The following PDE7B variants were observed in gnomAD, a reference collection of about 807,000 sequenced individuals.
PDE7B encodes the protein phosphodiesterase 7B.
A neutral mutation model predicts 56.2 loss-of-function variants in PDE7B; 29 were observed. The observed-to-expected ratio is 0.52, with a 90% CI of 0.38 to 0.70. PDE7B has a LOEUF of 0.70. PDE7B is among the 30% of genes least tolerant of loss of function. The pLI is 0.00. For synonymous variants in PDE7B, 197 were observed against 196.9 expected, an observed-to-expected ratio of 1.00 and a Z score of 0.00; for missense variants, 490 against 565.0, an observed-to-expected ratio of 0.87 and a Z score of 1.35.
At chr6:136,151,317 C>A (rs1310216594) in intron 6 of PDE7B, 62 bp downstream of exon 6, 1 of 823,374 alleles carries the variant, frequency 1.2e-6, no homozygotes, top group Non-Finnish European at 2.1e-6. Context: ...GCATAATACT[C>A]TTTAATATAA....
intron 1 of PDE7B, among the ~76,000 whole-genome samples, chr6:135,940,031 A>C (rs1277783043): frequency 6.6e-6 from 1 of 152,186 alleles, no homozygotes; most frequent in Non-Finnish European, 1.5e-5. Flanking sequence ...TCTCCAGTCC[A>C]GTCCATAAAG....
At position 135,973,538 on chromosome 6, in the gene PDE7B, A is replaced by G. The variant is rs138718162; in HGVS notation, c.82+26014A>G. ...TTATAGTTCTATTTTTAATGTTTTG[A>G]GTAACCTCCATACTGTTTTCCATAG... On this transcript the variant is annotated intron_variant, in intron 2 of 12. Transcript: ENST00000308191. Among the ~76,000 whole-genome samples the G allele has an allele frequency of 3.6e-3, 554 of 152,250 alleles. 3 individuals are homozygous for G. Among genetic ancestry groups the G allele is most frequent in the African/African-American group, 0.012 (513 of 41,542 alleles).
rs376235168 is a variant in PDE7B, at chr6:136,192,013, A to G, written c.*173A>G. On this transcript the variant is annotated 3_prime_UTR_variant, in exon 13 of 13. Transcript: ENST00000308191. ...CCTCCCCTCCTTTTCGCAAATGTAC[A>G]GAAGCCATTTGTCACCTCAGCATTC... The G allele has an allele frequency of 4.3e-5, 26 of 609,660 alleles. No homozygotes were observed. The highest frequency in any genetic ancestry group is 2.3e-4 in the Admixed American group (8 of 34,114). 37.8% of individuals were successfully genotyped at this position (609,660 alleles called of 1,614,324 possible). A position where few individuals can be genotyped will look rare whatever the true frequency, so the allele number is the denominator to read the frequency against.
At chr6:136,081,957 G>A (rs1777212199) in intron 2 of PDE7B, among the ~76,000 whole-genome samples, 1 of 152,186 alleles carries the variant, frequency 6.6e-6, no homozygotes. Flanking sequence ...ACAGCTTCCT[G>A]AGCCCTGTCC....
intron 1 of PDE7B, among the ~76,000 whole-genome samples, chr6:135,869,123 T>C (rs904813902): frequency 6.6e-6 from 1 of 152,170 alleles, no homozygotes; most frequent in Non-Finnish European, 1.5e-5. Context: ...TGGTATATGA[T>C]GTTAGTCTTT....
intron 1 of PDE7B, among the ~76,000 whole-genome samples, chr6:135,857,318 T>C (rs925008232): frequency 6.6e-6 from 1 of 152,166 alleles, no homozygotes; most frequent in African/African-American, 2.4e-5. Context: ...AATTCACATA[T>C]AAATAGGAAG....
At chr6:135,854,665 A>G (rs1475062641) in intron 1 of PDE7B, among the ~76,000 whole-genome samples, 1 of 152,208 alleles carries the variant, frequency 6.6e-6, no homozygotes, top group African/African-American at 2.4e-5. Context: ...GAGCACTTCC[A>G]CTGTCCACAG....
chr6:135,886,003 G>A (rs895392644), intron 1 of PDE7B, among the ~76,000 whole-genome samples: 7 of 152,230 alleles, frequency 4.6e-5, no homozygotes, highest in East Asian at 3.9e-4. Context: ...TGAGCAAAAC[G>A]TACAACTTGA....
At chr6:136,088,002 G>T (rs11961448) in intron 2 of PDE7B, among the ~76,000 whole-genome samples, 1 of 152,118 alleles carries the variant, frequency 6.6e-6, no homozygotes, top group Non-Finnish European at 1.5e-5. Context: ...TCTAAATCAC[G>T]TAAGGAAGAG....
chr6:136,183,640 C>T (rs959472927), intron 11 of PDE7B, among the ~76,000 whole-genome samples: 4 of 151,550 alleles, frequency 2.6e-5, no homozygotes, highest in Non-Finnish European at 4.4e-5. Context: ...GAGTAGATTC[C>T]CTGGTCATCC....
At chr6:136,005,740 C>A (rs1450733518) in intron 2 of PDE7B, among the ~76,000 whole-genome samples, 2 of 152,142 alleles carry the variant, frequency 1.3e-5, no homozygotes, top group East Asian at 3.9e-4. Context: ...AATAGGAACA[C>A]TTTTACACTG....
At chr6:135,863,047 T>G (rs1372361239) in intron 1 of PDE7B, among the ~76,000 whole-genome samples, 2 of 151,986 alleles carry the variant, frequency 1.3e-5, no homozygotes, top group Non-Finnish European at 2.9e-5. Context: ...CTTTGAATTT[T>G]TTGAAACTTG....
At chr6:135,986,400 G>A (rs1775376619) in intron 2 of PDE7B, among the ~76,000 whole-genome samples, 1 of 152,196 alleles carries the variant, frequency 6.6e-6, no homozygotes, top group Admixed American at 6.5e-5. Context: ...AAAACATTTA[G>A]GAAAGTGTAG....
chr6:136,156,627 T>C (rs1194935157), intron 8 of PDE7B, among the ~76,000 whole-genome samples: 1 of 152,198 alleles, frequency 6.6e-6, no homozygotes, highest in African/African-American at 2.4e-5. Flanking sequence ...TCTTGGAGGC[T>C]ATAGATCCAT....
At chr6:135,994,915 A>G (rs1775538138) in intron 2 of PDE7B, among the ~76,000 whole-genome samples, 1 of 152,242 alleles carries the variant, frequency 6.6e-6, no homozygotes, top group African/African-American at 2.4e-5. Flanking sequence ...AAACAGAGTT[A>G]GTCATAGTCA....
At chr6:136,040,954 T>C (rs867021089) in intron 2 of PDE7B, among the ~76,000 whole-genome samples, 5 of 152,230 alleles carry the variant, frequency 3.3e-5, no homozygotes, top group Admixed American at 2.6e-4. Context: ...TTGCTATCTT[T>C]ACCTGTAGTT....
chr6:136,084,323 A>G (rs937358904), intron 2 of PDE7B, among the ~76,000 whole-genome samples: 4 of 152,266 alleles, frequency 2.6e-5, no homozygotes, highest in Non-Finnish European at 4.4e-5. Flanking sequence ...TTGGAAAATT[A>G]CTAGTTAATG....
At chr6:136,110,712 ATTTTTT>A (rs10708902) in intron 3 of PDE7B, among the ~76,000 whole-genome samples, 2 of 126,826 alleles carry the variant, frequency 1.6e-5, no homozygotes, top group African/African-American at 5.7e-5. Context: ...ATTCTGCAAC[ATTTTTT>A]TTTTTTTTTT....
intron 1 of PDE7B, among the ~76,000 whole-genome samples, chr6:135,857,689 C>A (rs1281903527): frequency 6.6e-6 from 1 of 152,046 alleles, no homozygotes; most frequent in East Asian, 1.9e-4. Context: ...ATATCAGAAA[C>A]AACTTGAGCC....
Sources: gnomAD v4.1 joint callset for allele counts (sites outside exome capture counted in the v4.1 genomes callset) on GRCh38, gnomAD v4.1.1 for gene constraint, MANE v1.5 for transcripts, NCBI Gene and HGNC (gene_info 2026-07-23, HGNC 2026-07-21) for gene names.